DPEP1: variants seen among roughly 807,000 people sequenced by gnomAD.
DPEP1 encodes the protein beta-lactamase.
In DPEP1, 50 loss-of-function variants were observed where a neutral mutation model predicts 42.3. The observed-to-expected ratio is 1.18, with a 90% CI of 0.94 to 1.50. DPEP1 has a LOEUF of 1.50. DPEP1 is among the 40% of genes most tolerant of loss of function. The pLI, the probability that DPEP1 is intolerant of heterozygous loss-of-function variation, is 0.00. For synonymous variants in DPEP1, 297 were observed against 234.0 expected, an observed-to-expected ratio of 1.27 and a Z score of -2.46; for missense variants, 663 against 553.0, an observed-to-expected ratio of 1.20 and a Z score of -1.99.
At chr16:89,626,529 T>A (rs2059514891) in intron 1 of DPEP1, 1 of 152,064 alleles carries the variant, frequency 6.6e-6, no homozygotes, top group Non-Finnish European at 1.5e-5. Flanking sequence ...TTTGTATTAT[T>A]AGTAGAGATG....
At chr16:89,627,322 C>G (rs1333233971) in intron 1 of DPEP1, among the ~76,000 whole-genome samples, 1 of 149,986 alleles carries the variant, frequency 6.7e-6, no homozygotes, top group African/African-American at 2.5e-5. Context: ...GTGGCTCACA[C>G]CTGTAATCCC....
intron 1 of DPEP1, 65 bp downstream of exon 1, chr16:89,613,784 G>T: frequency 6.4e-6 from 1 of 157,238 alleles, no homozygotes. Context: ...GTGCAGGCCC[G>T]GGGACCCCAG....
intron 1 of DPEP1, among the ~76,000 whole-genome samples, chr16:89,629,187 A>T (rs568711418): frequency 8.0e-4 from 121 of 152,156 alleles, no homozygotes; most frequent in African/African-American, 2.0e-3. Context: ...TGATTTTTTT[A>T]AAATATTGAA....
intron 1 of DPEP1, among the ~76,000 whole-genome samples, chr16:89,626,845 C>T (rs558422666): frequency 9.0e-4 from 137 of 151,452 alleles, no homozygotes; most frequent in Non-Finnish European, 1.3e-3. Context: ...TGGCCAGGCG[C>T]GGTGGCTCAT....
chr16:89,620,785 CGG>C (rs1415813404), intron 1 of DPEP1: 1 of 152,094 alleles, frequency 6.6e-6, no homozygotes, highest in Non-Finnish European at 1.5e-5. Flanking sequence ...TGGTGAGTCT[CGG>C]GGAGCGGGGA....
chr16:89,628,365 C>G (rs1345044725), intron 1 of DPEP1, among the ~76,000 whole-genome samples: 1 of 149,466 alleles, frequency 6.7e-6, no homozygotes, highest in East Asian at 2.0e-4. Context: ...TCAAGCGATT[C>G]TCCTGCCTCA....
At chr16:89,636,797 C>T (rs1034205975) in intron 5 of DPEP1, 69 bp from the exon 6 acceptor site, 31 of 1,604,502 alleles carry the variant, frequency 1.9e-5, no homozygotes, top group East Asian at 6.7e-5. Context: ...GGCCGGGCCT[C>T]GCCTGCTGGG....
chr16:89,623,480 G>C (rs1405005802), intron 1 of DPEP1, among the ~76,000 whole-genome samples: 2 of 152,156 alleles, frequency 1.3e-5, no homozygotes, highest in Non-Finnish European at 1.5e-5. Context: ...AGGGAAGTCT[G>C]CAAACCCAAC....
chr16:89,637,253 A>G lies in DPEP1; in HGVS notation c.641A>G (p.His214Arg). The G allele has an allele frequency of 6.2e-7, 1 of 1,612,376 alleles. No homozygotes were observed. Among genetic ancestry groups the G allele is most frequent in the African/African-American group, 1.3e-5 (1 of 75,034 alleles). The change falls in exon 7 of 11, where the codon CAC (histidine) becomes CGC (arginine). Residue 214 changes from histidine (H) to arginine (R), a missense_variant. Physicochemically the swap from His to Arg is conservative, Grantham distance 29. Coordinates refer to ENST00000690203, the MANE Select transcript of DPEP1 (RefSeq NM_001389466.1). Reference sequence around the variant, plus strand: ...CTGGGGGTCCTCATCGACTTGGCTCACGTGTCTGTGGCCACCATGAAGGCC... The same window carrying G: ...CTGGGGGTCCTCATCGACTTGGCTCGCGTGTCTGTGGCCACCATGAAGGCC... ...NRLGVLIDLA[H>R]VSVATMKATL...
chr16:89,641,284 C>T (rs937145769), downstream of DPEP1, among the ~76,000 whole-genome samples: 5 of 152,100 alleles, frequency 3.3e-5, no homozygotes, highest in South Asian at 4.1e-4. Flanking sequence ...TTTTCTAACG[C>T]GCCCCCGGGG....
intron 1 of DPEP1, among the ~76,000 whole-genome samples, chr16:89,621,165 C>T (rs564225940): frequency 5.3e-5 from 8 of 151,842 alleles, no homozygotes; most frequent in Non-Finnish European, 1.0e-4. Context: ...GCTGAGGGGC[C>T]CTGACCTCAT....
chr16:89,637,432 A>G (rs2059696881), intron 7 of DPEP1, 36 bp from the exon 8 acceptor site: 4 of 1,612,644 alleles, frequency 2.5e-6, no homozygotes, highest in Non-Finnish European at 3.4e-6. Flanking sequence ...AGGCCCTCCC[A>G]GCTCTCAGCT....
At chr16:89,613,521 CCCCTCCTCCATTT>C (rs1394354375), upstream of DPEP1, 2 of 152,456 alleles carry the variant, frequency 1.3e-5, no homozygotes, top group Non-Finnish European at 2.9e-5. Flanking sequence ...ACCTTCCCCT[CCCCTCCTCCATTT>C]CCCTCCTCTT....
chr16:89,631,630 C>T (rs1019888292), intron 2 of DPEP1, among the ~76,000 whole-genome samples: 6 of 152,070 alleles, frequency 3.9e-5, no homozygotes, highest in African/African-American at 7.2e-5. Context: ...CCGAGGCGGG[C>T]GGATCACCTG....
At chr16:89,622,316 C>T (rs1436376722) in intron 1 of DPEP1, among the ~76,000 whole-genome samples, 1 of 152,072 alleles carries the variant, frequency 6.6e-6, no homozygotes, top group African/African-American at 2.4e-5. Context: ...CCTGGTCAGT[C>T]GGGGACATGA....
At position 89,638,157 on chromosome 16, in the gene DPEP1, C is replaced by T. The variant is rs368414931; in HGVS notation, c.1171C>T (p.His391Tyr). The change falls in exon 11 of 11, where the codon CAT becomes TAT. Residue 391 changes from histidine (H) to tyrosine (Y), a missense_variant. By Grantham distance (83) the His-to-Tyr change is moderately conservative (BLOSUM62 2). Coordinates refer to ENST00000690203, the MANE Select transcript of DPEP1 (RefSeq NM_001389466.1). Reference protein sequence around the residue: ...YGYSSGASSLHRHWGLLLASL... With the variant: ...YGYSSGASSLYRHWGLLLASL... ...CTACTCCTCTGGGGCTTCCAGCCTCCATCGCCACTGGGGGCTCCTGCTGGC... is the reference window on the plus strand; with the variant it reads ...CTACTCCTCTGGGGCTTCCAGCCTCTATCGCCACTGGGGGCTCCTGCTGGC... 5.6e-6 allele frequency: 9 copies of T among 1,609,956 alleles called. No homozygotes were observed. Among genetic ancestry groups the T allele is most frequent in the Admixed American group, 1.7e-5 (1 of 59,824 alleles).
At position 89,638,236 on chromosome 16, in the gene DPEP1, A is replaced by G; in HGVS notation, c.*14A>G. Reference sequence around the variant, plus strand: ...TCTCTCCTGTGAAACCTGGGAGACCAGAGTCCCCTTTAGGGTTCCCGGAGC... The same window carrying G: ...TCTCTCCTGTGAAACCTGGGAGACCGGAGTCCCCTTTAGGGTTCCCGGAGC... On this transcript the variant is annotated 3_prime_UTR_variant, in exon 11 of 11. Coordinates refer to ENST00000690203, the MANE Select transcript of DPEP1 (RefSeq NM_001389466.1). The G allele has an allele frequency of 6.5e-7, 1 of 1,537,928 alleles. No individual in the cohort carries two copies. The highest frequency in any genetic ancestry group is 8.8e-7 in the Non-Finnish European group (1 of 1,142,702).
intron 1 of DPEP1, among the ~76,000 whole-genome samples, chr16:89,626,293 T>C (rs1382894079): frequency 6.6e-6 from 1 of 152,174 alleles, no homozygotes; most frequent in South Asian, 2.1e-4. Flanking sequence ...ATTCACCCCA[T>C]GTTCTCGTGG....
At chr16:89,627,881 A>G (rs2059536660) in intron 1 of DPEP1, among the ~76,000 whole-genome samples, 2 of 151,356 alleles carry the variant, frequency 1.3e-5, no homozygotes, top group Admixed American at 1.3e-4. Flanking sequence ...GCTGGTCTCA[A>G]ACTCCTAACC....
Sources: gnomAD v4.1 joint callset for allele counts (sites outside exome capture counted in the v4.1 genomes callset) on GRCh38, gnomAD v4.1.1 for gene constraint, MANE v1.5 for transcripts, NCBI Gene and HGNC (gene_info 2026-07-23, HGNC 2026-07-21) for gene names.